The following EFNA5 variants were observed in gnomAD, a reference collection of about 807,000 sequenced individuals.
EFNA5 encodes ephrin A5, also known as ephrin-A5.
EFNA5 carries 5 observed loss-of-function variants against 22.9 expected under a neutral mutation model. The observed-to-expected ratio is 0.22, with a 90% CI of 0.11 to 0.46. EFNA5 has a LOEUF of 0.46. EFNA5 is among the 20% of genes least tolerant of loss of function. The pLI is 0.99. For synonymous variants in EFNA5, 113 were observed against 112.2 expected (o/e 1.01, Z -0.04); for missense variants, 237 against 293.3 (o/e 0.81, Z 1.40).
chr5:107,567,600 A>ACCCAAGACT (rs1405723497), intron 1 of EFNA5, among the ~76,000 whole-genome samples: 1 of 152,210 alleles, frequency 6.6e-6, no homozygotes. Context: ...AAACTAAGAC[A>ACCCAAGACT]CCCAAGACTC....
At chr5:107,581,162 T>C (rs1365327117) in intron 1 of EFNA5, among the ~76,000 whole-genome samples, 2 of 152,202 alleles carry the variant, frequency 1.3e-5, no homozygotes, top group African/African-American at 4.8e-5. Flanking sequence ...CTCCCCAGCA[T>C]GCTCATCTGC....
rs115111453 is a variant in EFNA5, at chr5:107,601,953, G to A, written c.125+68536C>T. Among the ~76,000 whole-genome samples, 523 of 152,208 alleles carry A rather than the reference G, an allele frequency of 3.4e-3. 3 individuals carry two copies. The highest frequency in any genetic ancestry group is 0.012 in the African/African-American group (507 of 41,526). ...TTTGGAGTCTTTCACAGCTTTCTAG[G>A]AACCAATTATTTTCCCCTTTCCAGG... On this transcript the variant is annotated intron_variant, in intron 1 of 4. Coordinates refer to ENST00000333274, the MANE Select transcript of EFNA5 (RefSeq NM_001962.3).
In EFNA5 at chr5:107,537,261, A is replaced by C. The variant is rs1855613; in HGVS notation, c.126-109752T>G. 6.1e-3 allele frequency among the ~76,000 whole-genome samples: 921 copies of C among 152,174 alleles called. 13 individuals carry two copies. The highest frequency in any genetic ancestry group is 0.021 in the African/African-American group (873 of 41,522). ...GTAATCTCAACACTTTGGGAGGCCG[A>C]GGTGGGTGGATCACTTGAGGTCAGG... On this transcript the variant is annotated intron_variant, in intron 1 of 4. Transcript: ENST00000333274.
chr5:107,564,626 T>A (rs1033229562), intron 1 of EFNA5, among the ~76,000 whole-genome samples: 1 of 113,280 alleles, frequency 8.8e-6, no homozygotes, highest in East Asian at 2.0e-4. Context: ...TTTGTTTGGG[T>A]TTTTGTTTTT....
chr5:107,621,210 A>G (rs1210494466), intron 1 of EFNA5, among the ~76,000 whole-genome samples: 3 of 152,214 alleles, frequency 2.0e-5, no homozygotes, highest in Non-Finnish European at 4.4e-5. Context: ...ATCTAGGAGA[A>G]AACAGACTGG....
At chr5:107,488,318 A>G (rs1006056109) in intron 1 of EFNA5, among the ~76,000 whole-genome samples, 4 of 152,170 alleles carry the variant, frequency 2.6e-5, no homozygotes, top group African/African-American at 2.4e-5. Flanking sequence ...CTTACATTGT[A>G]TAAAGTAATG....
chr5:107,472,445 A>C (rs1345630103), intron 1 of EFNA5, among the ~76,000 whole-genome samples: 1 of 152,204 alleles, frequency 6.6e-6, no homozygotes, highest in Non-Finnish European at 1.5e-5. Context: ...GTTGTTAGTA[A>C]AGGTCTCTGG....
chr5:107,640,623 C>CA (rs1750479958), intron 1 of EFNA5, among the ~76,000 whole-genome samples: 2 of 152,176 alleles, frequency 1.3e-5, no homozygotes, highest in Non-Finnish European at 2.9e-5. Context: ...AGAAAACAAA[C>CA]AGAGAGATCA....
intron 1 of EFNA5, among the ~76,000 whole-genome samples, chr5:107,524,419 A>C (rs1747654834): frequency 6.6e-6 from 1 of 152,252 alleles, no homozygotes; most frequent in African/African-American, 2.4e-5. Flanking sequence ...GCCTCAAAAT[A>C]GGAAAATGTC....
At chr5:107,462,531 C>G (rs1361700077) in intron 1 of EFNA5, among the ~76,000 whole-genome samples, 1 of 152,150 alleles carries the variant, frequency 6.6e-6, no homozygotes. Context: ...GCATCACACA[C>G]AGCATGGCCC....
chr5:107,660,274 ATATAT>A (rs1750919785), intron 1 of EFNA5, among the ~76,000 whole-genome samples: 5 of 50,164 alleles, frequency 1.0e-4, no homozygotes, highest in African/African-American at 4.1e-4. Context: ...ATATATATAT[ATATAT>A]ATATATATAT....
chr5:107,649,538 C>T lies in EFNA5; in HGVS notation c.125+20951G>A, dbSNP rs564845953. ...CCAAAATTATGCACCATGCATTTTA[C>T]ATGCGTTTACTTTCTCACTGAATCA... On this transcript the variant is annotated intron_variant, in intron 1 of 4. Transcript: ENST00000333274. Among the ~76,000 whole-genome samples the T allele has an allele frequency of 9.3e-4, 141 of 152,266 alleles. 1 individual carries two copies. The highest frequency in any genetic ancestry group is 3.3e-3 in the African/African-American group (137 of 41,554).
At chr5:107,560,855 C>A (rs1748520532) in intron 1 of EFNA5, among the ~76,000 whole-genome samples, 1 of 152,144 alleles carries the variant, frequency 6.6e-6, no homozygotes, top group South Asian at 2.1e-4. Flanking sequence ...TGAGGCAGAG[C>A]CAGGAATGGC....
intron 1 of EFNA5, among the ~76,000 whole-genome samples, chr5:107,634,060 C>T (rs961600693): frequency 2.0e-5 from 3 of 152,142 alleles, no homozygotes; most frequent in Non-Finnish European, 4.4e-5. Flanking sequence ...GATCTCTTTA[C>T]CACACAGTAT....
At chr5:107,434,821 C>T (rs114782663) in intron 1 of EFNA5, among the ~76,000 whole-genome samples, 2,456 of 152,292 alleles carry the variant, frequency 0.016, 53 homozygotes, top group African/African-American at 0.057. Flanking sequence ...TTGATTATTA[C>T]ATTTTAAATA....
Position 107,377,560 on chromosome 5 carries a change from C to T in EFNA5, c.*3695G>A, listed in dbSNP as rs999024964. The T allele has an allele frequency of 1.3e-5, 2 of 152,092 alleles. No homozygotes were observed. Among genetic ancestry groups the T allele is most frequent in the African/African-American group, 4.8e-5 (2 of 41,398 alleles). The allele number at this position is 152,092 out of a possible 1,614,324, so 9.4% of individuals were successfully genotyped here. ...TGAAAATAATACAAATGGCTGCTGC[C>T]GTTGCTAAGGCACCGGAGAAAAACA... On this transcript the variant is annotated 3_prime_UTR_variant, in exon 5 of 5. Transcript: ENST00000333274.
At chr5:107,665,173 G>T (rs1457625228) in intron 1 of EFNA5, among the ~76,000 whole-genome samples, 1 of 152,132 alleles carries the variant, frequency 6.6e-6, no homozygotes, top group African/African-American at 2.4e-5. Context: ...AACTCCTGAA[G>T]GACTAATTGT....
intron 4 of EFNA5, among the ~76,000 whole-genome samples, chr5:107,383,700 T>G (rs941793943): frequency 6.6e-6 from 1 of 152,222 alleles, no homozygotes; most frequent in African/African-American, 2.4e-5. Context: ...AGCTAGCACT[T>G]AGATCTTCGG....
chr5:107,455,745 T>G (rs1201949018), intron 1 of EFNA5, among the ~76,000 whole-genome samples: 1 of 152,224 alleles, frequency 6.6e-6, no homozygotes, highest in Non-Finnish European at 1.5e-5. Flanking sequence ...GAATGTCTCT[T>G]TCTTTGCTCT....
Sources: gnomAD v4.1 joint callset for allele counts (sites outside exome capture counted in the v4.1 genomes callset) on GRCh38, gnomAD v4.1.1 for gene constraint, MANE v1.5 for transcripts, NCBI Gene and HGNC (gene_info 2026-07-23, HGNC 2026-07-21) for gene names.